The following CMTM7 variants were observed in gnomAD, a reference collection of about 807,000 sequenced individuals.
CMTM7 encodes the protein CKLF-like MARVEL transmembrane domain-containing protein 7.
In CMTM7, 7 loss-of-function variants were observed where a neutral mutation model predicts 19.3. That is an observed-to-expected ratio of 0.36 (90% CI 0.21 to 0.68). The LOEUF is 0.68. Among genes scored for constraint, CMTM7 ranks in the 30% least tolerant of loss-of-function variants. The pLI, the probability that CMTM7 is intolerant of heterozygous loss-of-function variation, is 0.60. For missense variants in CMTM7, 193 were observed against 232.6 expected (o/e 0.83, Z 1.11); for synonymous variants, 87 against 99.3 (o/e 0.88, Z 0.74).
intron 1 of CMTM7, among the ~76,000 whole-genome samples, chr3:32,420,110 A>G (rs1696322543): frequency 6.6e-6 from 1 of 152,172 alleles, no homozygotes; most frequent in African/African-American, 2.4e-5. Context: ...CCCTGTTGTC[A>G]CCTTAGAAGA....
chr3:32,415,114 C>T (rs1272688383), intron 1 of CMTM7, among the ~76,000 whole-genome samples: 1 of 151,962 alleles, frequency 6.6e-6, no homozygotes, highest in African/African-American at 2.4e-5. Flanking sequence ...CAGCTCAGAC[C>T]CACTGGATTA....
intron 1 of CMTM7, among the ~76,000 whole-genome samples, chr3:32,423,366 T>G (rs930634296): frequency 2.0e-5 from 3 of 152,196 alleles, no homozygotes; most frequent in Non-Finnish European, 2.9e-5. Flanking sequence ...TGTAGATATA[T>G]TTGCTGGTAG....
chr3:32,434,798 T>A (rs1299206044), intron 1 of CMTM7, among the ~76,000 whole-genome samples: 1 of 152,102 alleles, frequency 6.6e-6, no homozygotes, highest in African/African-American at 2.4e-5. Flanking sequence ...TAAGTTAGTA[T>A]TTAGAATATA....
chr3:32,452,264 A>G (rs1232704124), intron 3 of CMTM7, 128 bp from the exon 4 acceptor site: 1 of 1,575,134 alleles, frequency 6.3e-7, no homozygotes, highest in Admixed American at 1.8e-5. Flanking sequence ...GTTGGGTTAG[A>G]TGACTCTCCA....
chr3:32,417,520 A>G (rs1696285391), intron 1 of CMTM7, among the ~76,000 whole-genome samples: 1 of 152,214 alleles, frequency 6.6e-6, no homozygotes, highest in Non-Finnish European at 1.5e-5. Flanking sequence ...ATAAACATTC[A>G]TTTACAGGTT....
intron 1 of CMTM7, among the ~76,000 whole-genome samples, chr3:32,404,702 G>T (rs1696064776): frequency 6.6e-6 from 1 of 152,230 alleles, no homozygotes; most frequent in African/African-American, 2.4e-5. Context: ...ACCTGAGGGT[G>T]ACTCCCAGTC....
chr3:32,397,942 G>A (rs1695942366), intron 1 of CMTM7, among the ~76,000 whole-genome samples: 1 of 152,170 alleles, frequency 6.6e-6, no homozygotes, highest in Non-Finnish European at 1.5e-5. Context: ...CGTTCTGATA[G>A]TTGCCCACCT....
chr3:32,453,363 A>C (rs1008147001), intron 4 of CMTM7, among the ~76,000 whole-genome samples: 4 of 152,190 alleles, frequency 2.6e-5, no homozygotes, highest in Admixed American at 6.5e-5. Flanking sequence ...TTTCTCTCTG[A>C]AAATATATAT....
chr3:32,393,834 T>A (rs1444061458), intron 1 of CMTM7, among the ~76,000 whole-genome samples: 1 of 150,038 alleles, frequency 6.7e-6, no homozygotes, highest in South Asian at 2.1e-4. Context: ...CTTCATGTGG[T>A]CCATGATTTT....
At chr3:32,453,238 T>G (rs1486676330) in intron 4 of CMTM7, among the ~76,000 whole-genome samples, 1 of 152,014 alleles carries the variant, frequency 6.6e-6, no homozygotes, top group African/African-American at 2.4e-5. Context: ...CCCAGGAGTT[T>G]GAGACCAATC....
At chr3:32,397,155 A>G (rs921048556) in intron 1 of CMTM7, among the ~76,000 whole-genome samples, 4 of 152,226 alleles carry the variant, frequency 2.6e-5, no homozygotes, top group African/African-American at 9.6e-5. Context: ...ACTCAATTAC[A>G]GAGTAGAGAC....
intron 1 of CMTM7, among the ~76,000 whole-genome samples, chr3:32,408,325 AC>A (rs1161198660): frequency 1.3e-5 from 2 of 152,264 alleles, no homozygotes; most frequent in Admixed American, 6.5e-5. Context: ...ATTTTCCATT[AC>A]AATCAGATGC....
intron 1 of CMTM7, among the ~76,000 whole-genome samples, chr3:32,428,853 G>C (rs1337531009): frequency 1.3e-5 from 2 of 152,174 alleles, no homozygotes; most frequent in African/African-American, 4.8e-5. Context: ...GAGAGTCGTG[G>C]AAAGCCGCAG....
intron 3 of CMTM7, chr3:32,450,914 A>T (rs1696820308): frequency 6.6e-6 from 1 of 152,218 alleles, no homozygotes; most frequent in Non-Finnish European, 1.5e-5. Context: ...GAAATTTTTA[A>T]AATATGGTCC....
chr3:32,392,522 C>T (rs1176482010), intron 1 of CMTM7, among the ~76,000 whole-genome samples: 1 of 152,188 alleles, frequency 6.6e-6, no homozygotes, highest in Non-Finnish European at 1.5e-5. Context: ...CCTCCGAACC[C>T]AGCGCGGCAG....
chr3:32,426,662 A>G (rs1232313259), intron 1 of CMTM7, among the ~76,000 whole-genome samples: 1 of 152,142 alleles, frequency 6.6e-6, no homozygotes, highest in East Asian at 1.9e-4. Flanking sequence ...AGGCTAAACT[A>G]TAATTTATCT....
chr3:32,431,520 T>C (rs995093074), intron 1 of CMTM7, among the ~76,000 whole-genome samples: 2 of 152,186 alleles, frequency 1.3e-5, no homozygotes, highest in South Asian at 4.1e-4. Context: ...TGAGGCAGTG[T>C]TAAACTATGG....
rs760416628 is a variant in CMTM7 at position 32,454,429 on chromosome 3, C to T, written c.*175C>T. The T allele has an allele frequency of 5.2e-6, 4 of 776,640 alleles. No individual in the cohort carries two copies. Among genetic ancestry groups the T allele is most frequent in the African/African-American group, 1.7e-5 (1 of 58,404 alleles). 48.1% of individuals were successfully genotyped at this position (776,640 alleles called of 1,614,324 possible). On this transcript the variant is annotated 3_prime_UTR_variant, in exon 5 of 5. Coordinates refer to ENST00000334983, the MANE Select transcript of CMTM7 (RefSeq NM_138410.4). ...GAAGCCAGCTCCCTGAGCTCCTGAGCCAGCCGGAAACTCTTCCTCCAGCCT... is the reference window on the plus strand; with the variant it reads ...GAAGCCAGCTCCCTGAGCTCCTGAGTCAGCCGGAAACTCTTCCTCCAGCCT...
chr3:32,416,178 G>A (rs1696258573), intron 1 of CMTM7, among the ~76,000 whole-genome samples: 1 of 145,580 alleles, frequency 6.9e-6, no homozygotes, highest in East Asian at 2.0e-4. Context: ...TGATATATAT[G>A]TGCACATAAG....
Sources: gnomAD v4.1 joint callset for allele counts (sites outside exome capture counted in the v4.1 genomes callset) on GRCh38, gnomAD v4.1.1 for gene constraint, MANE v1.5 for transcripts, NCBI Gene and HGNC (gene_info 2026-07-23, HGNC 2026-07-21) for gene names.